Variants in WDPCP observed in about 807,000 individuals in gnomAD.
WDPCP encodes WD repeat containing planar cell polarity effector, also known as WD repeat-containing and planar cell polarity effector protein fritz homolog.
WDPCP carries 71 observed loss-of-function variants against 93.1 expected under a neutral mutation model. The ratio of observed to expected loss-of-function variants is 0.76; its 90% CI spans 0.63 to 0.93. The LOEUF is 0.93. Ranked by LOEUF, WDPCP falls within the 40% of genes least tolerant of loss-of-function variation. The pLI, the probability that WDPCP is intolerant of heterozygous loss-of-function variation, is 0.00. For synonymous variants in WDPCP, 315 were observed against 315.0 expected (o/e 1.00, Z 0.00); for missense variants, 844 against 887.4 (o/e 0.95, Z 0.62).
chr2:63,526,497 T>C (rs1703347553), intron 1 of WDPCP, among the ~76,000 whole-genome samples: 1 of 152,144 alleles, frequency 6.6e-6, no homozygotes, highest in Non-Finnish European at 1.5e-5. Flanking sequence ...GTTAAAGATA[T>C]CAGAACAAAA....
chr2:63,761,937 G>T (rs1016730326), intron 2 of WDPCP, among the ~76,000 whole-genome samples: 1 of 151,910 alleles, frequency 6.6e-6, no homozygotes, highest in Non-Finnish European at 1.5e-5. Flanking sequence ...TTGGGCTGGG[G>T]GTCTAGTTAC....
Position 63,292,215 on chromosome 2 carries a change from T to C in WDPCP, c.1812+21033A>G, listed in dbSNP as rs1046849858. Among the ~76,000 whole-genome samples, 7 of 151,512 alleles carry C rather than the reference T, an allele frequency of 4.6e-5. No individual in the cohort carries two copies. The South Asian group carries it at 8.3e-4, about 18-fold the overall frequency. On this transcript the variant is annotated intron_variant, in intron 13 of 17. Transcript: ENST00000272321. ...AAAGATCTTGTTAGCAATTTGAAAG[T>C]TGGCTCTTTTAGTCTCCATAATGAA...
chr2:63,833,596 T>C, the WDPCP span, among the ~76,000 whole-genome samples: 14,970 of 152,204 alleles, frequency 0.098, 1,195 homozygotes, highest in African/African-American at 0.23. Context: ...GTTTCAGAGA[T>C]TGACCATGTA....
chr2:63,720,975 C>A (rs907572279), intron 2 of WDPCP, among the ~76,000 whole-genome samples: 4 of 152,174 alleles, frequency 2.6e-5, no homozygotes, highest in African/African-American at 9.7e-5. Flanking sequence ...TAACCTGGAG[C>A]CTGAAATGTC....
At chr2:63,482,952 A>T (rs372786009) in intron 6 of WDPCP, among the ~76,000 whole-genome samples, 1 of 151,986 alleles carries the variant, frequency 6.6e-6, no homozygotes, top group Admixed American at 6.6e-5. Flanking sequence ...TTATATATAT[A>T]TTTTATCATG....
chr2:63,782,241 G>A (rs1670406129), intron 2 of WDPCP, among the ~76,000 whole-genome samples: 1 of 152,116 alleles, frequency 6.6e-6, no homozygotes, highest in Non-Finnish European at 1.5e-5. Flanking sequence ...AACTCTTCTG[G>A]ACATTTGAAT....
At chr2:63,572,172 A>G (rs1044813090) in intron 1 of WDPCP, among the ~76,000 whole-genome samples, 1 of 152,012 alleles carries the variant, frequency 6.6e-6, no homozygotes, top group African/African-American at 2.4e-5. Context: ...ACTTTTCCTC[A>G]CTCCCTACCA....
At chr2:63,181,779 T>G (rs1053877366) in intron 14 of WDPCP, among the ~76,000 whole-genome samples, 3 of 144,946 alleles carry the variant, frequency 2.1e-5, no homozygotes, top group Non-Finnish European at 3.0e-5. Flanking sequence ...ATCTGTATGG[T>G]TTTTTTTTAA....
intron 14 of WDPCP, chr2:63,233,445 G>C: frequency 5.1e-6 from 1 of 194,382 alleles, no homozygotes; most frequent in Non-Finnish European, 1.1e-5. Context: ...TCTAATGGAA[G>C]TATTTTCCCA....
intron 2 of WDPCP, among the ~76,000 whole-genome samples, chr2:63,781,626 T>C (rs1558909215): frequency 6.6e-6 from 1 of 152,176 alleles, no homozygotes; most frequent in African/African-American, 2.4e-5. Context: ...GAGAGTCATG[T>C]TAACAACAGA....
At chr2:63,348,895 A>G (rs924425088) in intron 12 of WDPCP, among the ~76,000 whole-genome samples, 1 of 152,216 alleles carries the variant, frequency 6.6e-6, no homozygotes, top group Non-Finnish European at 1.5e-5. Context: ...CTCTTCAGAC[A>G]TCAGGGATAT....
chr2:63,647,086 T>C (rs537950716), intron 3 of WDPCP, among the ~76,000 whole-genome samples: 1 of 152,220 alleles, frequency 6.6e-6, no homozygotes, highest in East Asian at 1.9e-4. Flanking sequence ...TAGGTGTGCT[T>C]CATTGTTTTT....
intron 9 of WDPCP, among the ~76,000 whole-genome samples, chr2:63,426,395 T>G (rs1696299952): frequency 6.6e-6 from 1 of 152,130 alleles, no homozygotes; most frequent in East Asian, 1.9e-4. Flanking sequence ...GGGCCTATTT[T>G]CAGCAACTTT....
chr2:63,543,760 C>T (rs1385755986), intron 1 of WDPCP, among the ~76,000 whole-genome samples: 4 of 151,878 alleles, frequency 2.6e-5, no homozygotes, highest in Non-Finnish European at 5.9e-5. Context: ...AACAATTACT[C>T]GATGAGATAT....
chr2:63,795,820 C>T (rs1223714386), intron 2 of WDPCP, among the ~76,000 whole-genome samples: 1 of 152,148 alleles, frequency 6.6e-6, no homozygotes, highest in East Asian at 1.9e-4. Context: ...ACTTTACTAA[C>T]CATGTATGAT....
chr2:63,313,886 A>ATATAT lies in WDPCP; in HGVS notation c.1749-576_1749-575insATATA. On this transcript the variant is annotated intron_variant, in intron 12 of 17. Transcript: ENST00000272321. ...TATATATATATATATATATATATAT[A>ATATAT]TTTTTTTTTTTTTGGAGATGGAGTC... 3.6e-3 allele frequency among the ~76,000 whole-genome samples: 270 copies of ATATAT among 74,408 alleles called. 2 individuals carry two copies. Among genetic ancestry groups the ATATAT allele is most frequent in the Non-Finnish European group, 6.1e-3 (235 of 38,566 alleles). 48.8% of individuals were successfully genotyped at this position (74,408 alleles called of 152,430 possible).
chr2:63,455,323 C>T (rs1698541438), intron 6 of WDPCP, among the ~76,000 whole-genome samples: 2 of 151,618 alleles, frequency 1.3e-5, no homozygotes, highest in African/African-American at 4.8e-5. Context: ...TTAGATTCTC[C>T]ACTTAAAAAG....
At chr2:63,409,188 C>A (rs568589795) in intron 9 of WDPCP, among the ~76,000 whole-genome samples, 1 of 152,182 alleles carries the variant, frequency 6.6e-6, no homozygotes, top group Non-Finnish European at 1.5e-5. Context: ...CTGGTATCCA[C>A]GGCTGAGAGA....
chr2:63,837,523 A>G, the WDPCP span, among the ~76,000 whole-genome samples: 1 of 152,212 alleles, frequency 6.6e-6, no homozygotes, highest in Non-Finnish European at 1.5e-5. Context: ...TGTTCGCTCA[A>G]ACTACACTGC....
Sources: allele counts gnomAD v4.1 joint callset (sites outside exome capture counted in the v4.1 genomes callset), GRCh38; gene constraint gnomAD v4.1.1; transcripts MANE v1.5; gene names NCBI Gene and HGNC (gene_info 2026-07-23, HGNC 2026-07-21).